NAALADL2: variants seen among roughly 807,000 people sequenced by gnomAD.
NAALADL2 encodes inactive N-acetylated-alpha-linked acidic dipeptidase-like protein 2.
Under a neutral mutation model 87.2 loss-of-function variants are expected in NAALADL2, and 76 were observed. The ratio of observed to expected loss-of-function variants is 0.87; its 90% CI spans 0.72 to 1.05. NAALADL2 has a LOEUF of 1.05. NAALADL2 is among the 50% of genes least tolerant of loss of function. The pLI is 0.00. For missense variants in NAALADL2, 1,089 were observed against 945.8 expected, an observed-to-expected ratio of 1.15 and a Z score of -1.99; for synonymous variants, 354 against 331.0, an observed-to-expected ratio of 1.07 and a Z score of -0.75.
chr3:175,519,738 T>C (rs1044148274), intron 9 of NAALADL2, among the ~76,000 whole-genome samples: 8 of 152,180 alleles, frequency 5.3e-5, no homozygotes, highest in African/African-American at 1.2e-4. Flanking sequence ...TAGAATGCTA[T>C]AAAAGAAATT....
At chr3:175,787,375 G>A (rs940453696) in intron 13 of NAALADL2, among the ~76,000 whole-genome samples, 9 of 152,292 alleles carry the variant, frequency 5.9e-5, no homozygotes, top group Admixed American at 3.3e-4. Context: ...CTCCGTGGGC[G>A]TAGGACCCTC....
At chr3:175,557,370 C>T (rs1202636909) in intron 9 of NAALADL2, among the ~76,000 whole-genome samples, 1 of 152,140 alleles carries the variant, frequency 6.6e-6, no homozygotes, top group East Asian at 1.9e-4. Flanking sequence ...TATCCATTAC[C>T]TCAAGCATTT....
At position 175,003,721 on chromosome 3, in the gene NAALADL2, C is replaced by T. The variant is rs560206512; in HGVS notation, c.44-93069C>T. On this transcript the variant is annotated intron_variant, in intron 1 of 13. Coordinates refer to ENST00000454872, the MANE Select transcript of NAALADL2 (RefSeq NM_207015.3). Reference sequence around the variant, plus strand: ...AATTAGGCTGCAGTTGTTCATTCACCGATCAGTAGTGAAATAGTTCTGAAT... The same window carrying T: ...AATTAGGCTGCAGTTGTTCATTCACTGATCAGTAGTGAAATAGTTCTGAAT... 1.6e-4 allele frequency among the ~76,000 whole-genome samples: 25 copies of T among 152,214 alleles called. No homozygotes were observed. The South Asian group carries it at 3.7e-3, about 23-fold the overall frequency.
intron 11 of NAALADL2, among the ~76,000 whole-genome samples, chr3:175,673,118 C>G (rs922592504): frequency 1.4e-4 from 21 of 152,160 alleles, no homozygotes; most frequent in Admixed American, 1.2e-3. Context: ...ATTGTCTGCT[C>G]TATCTCCAGC....
intron 5 of NAALADL2, among the ~76,000 whole-genome samples, chr3:175,441,108 T>C (rs1385016805): frequency 3.9e-5 from 6 of 152,106 alleles, no homozygotes. Flanking sequence ...TAAATTACAC[T>C]ATAAAAAATA....
At chr3:174,522,017 G>A (rs1039723518) in intron 1 of NAALADL2, among the ~76,000 whole-genome samples, 1 of 151,898 alleles carries the variant, frequency 6.6e-6, no homozygotes, top group African/African-American at 2.4e-5. Flanking sequence ...GAGGATCACT[G>A]GAGCCCAGCA....
intron 3 of NAALADL2, among the ~76,000 whole-genome samples, chr3:174,829,345 T>G (rs1183846054): frequency 6.8e-6 from 1 of 147,944 alleles, no homozygotes; most frequent in Non-Finnish European, 1.5e-5. Context: ...AATTCCCACC[T>G]ATGAGTGAGA....
In NAALADL2 at chr3:175,808,133, A is replaced by G. The variant is rs1754869468; in HGVS notation, c.*4930A>G. The G allele has an allele frequency of 1.3e-5, 2 of 151,952 alleles. No individual in the cohort carries two copies. The highest frequency in any genetic ancestry group is 2.9e-5 in the Non-Finnish European group (2 of 67,916). The allele number at this position is 151,952 out of a possible 1,614,324, so 9.4% of individuals were successfully genotyped here. A position where few individuals can be genotyped will look rare whatever the true frequency, so the allele number is the denominator to read the frequency against. On this transcript the variant is annotated 3_prime_UTR_variant, in exon 14 of 14. Transcript: ENST00000454872. Reference sequence around the variant, plus strand: ...TATCGTTCCATTGCCTGACAAAGATATACACACTGAAGTGCCTTTAGCAGA... The same window carrying G: ...TATCGTTCCATTGCCTGACAAAGATGTACACACTGAAGTGCCTTTAGCAGA...
rs532274674 is a variant in NAALADL2, at chr3:175,431,398, C to G, written c.1091-15831C>G. ...TGTTTGTTTGTTTAGTTCTATTGGA[C>G]AGTTTATGGATAGTATTTGTCACTG... On this transcript the variant is annotated intron_variant, in intron 5 of 13. Transcript: ENST00000454872. Among the ~76,000 whole-genome samples the G allele has an allele frequency of 2.1e-4, 32 of 152,072 alleles. No individual in the cohort carries two copies. In the Middle Eastern group the frequency reaches 0.017, roughly 81 times the overall value.
rs1022593783 is a variant in NAALADL2, at chr3:175,246,299, A to G, written c.820-10112A>G. Among the ~76,000 whole-genome samples, 18 of 152,282 alleles carry G rather than the reference A, an allele frequency of 1.2e-4. No homozygotes were observed. In the South Asian group the frequency reaches 1.9e-3, roughly 16 times the overall value. The stretch of plus-strand genomic sequence containing the variant: ...GCAGAAACTCGTTTTTAGGTGAGCA[A>G]TACTTGTGATAGTATTGTAGTTTGT... On this transcript the variant is annotated intron_variant, in intron 3 of 13. Transcript: ENST00000454872.
intron 11 of NAALADL2, among the ~76,000 whole-genome samples, chr3:175,687,538 C>T (rs1311875825): frequency 6.6e-6 from 1 of 152,086 alleles, no homozygotes; most frequent in African/African-American, 2.4e-5. Context: ...ATGACTGGTC[C>T]TGAGTTATGT....
At chr3:175,440,381 C>T (rs1719530175) in intron 5 of NAALADL2, among the ~76,000 whole-genome samples, 1 of 151,878 alleles carries the variant, frequency 6.6e-6, no homozygotes, top group Non-Finnish European at 1.5e-5. Context: ...CTTTTTGGTT[C>T]CATATGAATT....
At chr3:175,484,570 T>C (rs886354612) in intron 9 of NAALADL2, among the ~76,000 whole-genome samples, 3 of 152,146 alleles carry the variant, frequency 2.0e-5, no homozygotes, top group African/African-American at 7.2e-5. Context: ...AAAATCATTC[T>C]TAAAATACTA....
chr3:175,447,189 T>A (rs1051814839), intron 5 of NAALADL2, 40 bp from the exon 6 acceptor site: 14 of 1,405,196 alleles, frequency 1.0e-5, no homozygotes, highest in Non-Finnish European at 1.2e-5. Context: ...TTTAAATTTC[T>A]GTTTACTAAG....
chr3:174,651,553 A>C (rs752307783), intron 2 of NAALADL2, among the ~76,000 whole-genome samples: 4 of 152,222 alleles, frequency 2.6e-5, no homozygotes, highest in Non-Finnish European at 5.9e-5. Flanking sequence ...AATAAAAACA[A>C]TAACTTAGGC....
At chr3:175,263,197 T>G (rs1162615891) in intron 4 of NAALADL2, among the ~76,000 whole-genome samples, 1 of 151,904 alleles carries the variant, frequency 6.6e-6, no homozygotes, top group Non-Finnish European at 1.5e-5. Flanking sequence ...AGTAAATTAT[T>G]TTTAAATGAT....
At chr3:175,299,021 A>G (rs976391005) in intron 4 of NAALADL2, among the ~76,000 whole-genome samples, 1 of 152,212 alleles carries the variant, frequency 6.6e-6, no homozygotes, top group Non-Finnish European at 1.5e-5. Flanking sequence ...CAGTGTAAGC[A>G]TTAACAGAAA....
chr3:175,302,860 G>T (rs1189521738), intron 4 of NAALADL2, among the ~76,000 whole-genome samples: 1 of 151,846 alleles, frequency 6.6e-6, no homozygotes, highest in African/African-American at 2.4e-5. Context: ...GTGTGTGTGT[G>T]TGTGTGTGTA....
chr3:175,589,531 T>C (rs73884447), intron 10 of NAALADL2, among the ~76,000 whole-genome samples: 2,552 of 152,114 alleles, frequency 0.017, 75 homozygotes, highest in African/African-American at 0.059. Context: ...ATATAATTCC[T>C]ATTTATCTAT....
Sources: allele counts gnomAD v4.1 joint callset (sites outside exome capture counted in the v4.1 genomes callset), GRCh38; gene constraint gnomAD v4.1.1; transcripts MANE v1.5; gene names NCBI Gene and HGNC (gene_info 2026-07-23, HGNC 2026-07-21).